The following LRP1B variants were observed in gnomAD, a reference collection of about 807,000 sequenced individuals.
The protein encoded by LRP1B is LDL receptor related protein 1B.
A neutral mutation model predicts 556.6 loss-of-function variants in LRP1B; 217 were observed. That is an observed-to-expected ratio of 0.39 (90% CI 0.35 to 0.44). The LOEUF (loss-of-function observed/expected upper bound fraction) is 0.44. Ranked by LOEUF, LRP1B falls within the 20% of genes least tolerant of loss-of-function variation. The pLI is 1.00. For missense variants in LRP1B, 5,053 were observed against 5,620.8 expected, an observed-to-expected ratio of 0.90 and a Z score of 3.23; for synonymous variants, 2,047 against 1,865.8, an observed-to-expected ratio of 1.10 and a Z score of -2.50.
At chr2:141,000,166 A>T (rs1346645447) in intron 15 of LRP1B, among the ~76,000 whole-genome samples, 1 of 151,482 alleles carries the variant, frequency 6.6e-6, no homozygotes, top group Non-Finnish European at 1.5e-5. Flanking sequence ...CAATCTTCCC[A>T]CTTCAGGCTC....
rs115486115 is a variant in LRP1B at position 141,814,221 on chromosome 2, C to T, written c.83-3820G>A. Among the ~76,000 whole-genome samples, 438 of 152,214 alleles carry T rather than the reference C, an allele frequency of 2.9e-3. 1 individual carries two copies. Among genetic ancestry groups the T allele is most frequent in the African/African-American group, 1.0e-2 (414 of 41,526 alleles). Reference sequence around the variant, plus strand: ...AGAGAAATGTGCCCAGAAAAGTAGTCAATTTTCTTCATCTGGGCTCACAGA... The same window carrying T: ...AGAGAAATGTGCCCAGAAAAGTAGTTAATTTTCTTCATCTGGGCTCACAGA... On this transcript the variant is annotated intron_variant, in intron 1 of 90. Coordinates refer to ENST00000389484, the MANE Select transcript of LRP1B (RefSeq NM_018557.3).
chr2:140,484,436 T>C (rs1429428005), intron 59 of LRP1B, among the ~76,000 whole-genome samples: 2 of 152,156 alleles, frequency 1.3e-5, no homozygotes, highest in South Asian at 2.1e-4. Flanking sequence ...TGAATAAAAT[T>C]AATTAATTTA....
rs182437116 is a variant in LRP1B, at chr2:140,812,428, A to G, written c.5359+1229T>C. ...GACTCATTCTTAAATAAAATTTGCA[A>G]TATTTAAACCTTGTTCACCTTCATC... On this transcript the variant is annotated intron_variant, in intron 32 of 90. Transcript: ENST00000389484. Among the ~76,000 whole-genome samples, 762 of 152,224 alleles carry G rather than the reference A, an allele frequency of 5.0e-3. 11 individuals carry two copies. The highest frequency in any genetic ancestry group is 0.017 in the African/African-American group (721 of 41,572).
intron 2 of LRP1B, among the ~76,000 whole-genome samples, chr2:141,610,323 A>ATTATTATTATACTTTAAAACTTAAAGT (rs143503631): frequency 0.44 from 53,370 of 121,886 alleles, 11,494 homozygotes; most frequent in Non-Finnish European, 0.52. Flanking sequence ...CTTAAAGTAT[A>ATTATTATTATACTTTAAAACTTAAAGT]ATAATAATAA....
intron 1 of LRP1B, among the ~76,000 whole-genome samples, chr2:141,945,477 G>C (rs921249905): frequency 6.6e-6 from 1 of 151,200 alleles, no homozygotes; most frequent in Non-Finnish European, 1.5e-5. Flanking sequence ...TTTTTATAGA[G>C]TATTATCATT....
chr2:141,796,366 AC>A (rs2105675315), intron 2 of LRP1B, among the ~76,000 whole-genome samples: 1 of 152,140 alleles, frequency 6.6e-6, no homozygotes, highest in South Asian at 2.1e-4. Context: ...ATCCATCACT[AC>A]AGCAATGAAG....
chr2:140,604,124 T>C (rs1157861100), intron 41 of LRP1B, among the ~76,000 whole-genome samples: 2 of 150,608 alleles, frequency 1.3e-5, no homozygotes, highest in Non-Finnish European at 2.9e-5. Context: ...GCAGAGTAAA[T>C]CAATACAGGG....
At chr2:141,946,034 G>GGA (rs1278273749) in intron 1 of LRP1B, among the ~76,000 whole-genome samples, 18 of 152,008 alleles carry the variant, frequency 1.2e-4, no homozygotes, top group Admixed American at 9.8e-4. Flanking sequence ...AGACAGGGGT[G>GGA]GAGGCAGCTC....
intron 1 of LRP1B, among the ~76,000 whole-genome samples, chr2:141,810,983 G>A (rs900872344): frequency 6.6e-6 from 1 of 151,346 alleles, no homozygotes; most frequent in African/African-American, 2.4e-5. Flanking sequence ...TGGCAGAAGT[G>A]ATAGTAAACT....
intron 1 of LRP1B, among the ~76,000 whole-genome samples, chr2:142,117,085 C>G (rs1017640348): frequency 2.0e-5 from 3 of 152,066 alleles, no homozygotes; most frequent in Non-Finnish European, 4.4e-5. Context: ...CGTGCTGTTA[C>G]TTCCCACACG....
intron 60 of LRP1B, among the ~76,000 whole-genome samples, chr2:140,464,644 T>A (rs1032813390): frequency 1.3e-5 from 2 of 152,234 alleles, no homozygotes; most frequent in African/African-American, 4.8e-5. Flanking sequence ...TGGTAAAGTA[T>A]ATTCCTTTTG....
At position 140,547,310 on chromosome 2, in the gene LRP1B, T is replaced by G. The variant is rs559910105; in HGVS notation, c.7195-5339A>C. Among the ~76,000 whole-genome samples, 4 of 152,216 alleles carry G rather than the reference T, an allele frequency of 2.6e-5. No homozygotes were observed. In the East Asian group the frequency reaches 7.7e-4, roughly 29 times the overall value. On this transcript the variant is annotated intron_variant, in intron 43 of 90. Transcript: ENST00000389484. The stretch of plus-strand genomic sequence containing the variant: ...GGTTTTTTTTGGTTGGTGGGCTATT[T>G]ATTACTTTTCCATTTCAGAGCTAAT...
rs759884420 is a variant in LRP1B at position 140,516,968 on chromosome 2, A to G, written c.8070T>C (p.Pro2690=). The G allele has an allele frequency of 1.1e-5, 18 of 1,601,144 alleles. No individual in the cohort carries two copies. The South Asian group carries it at 1.8e-4, about 16-fold the overall frequency. ...AGGTATTCAAAATGCATCTTCCACTAGGACAACTAAAATAATTTTCTTCAC... is the reference window on the plus strand; with the variant it reads ...AGGTATTCAAAATGCATCTTCCACTGGGACAACTAAAATAATTTTCTTCAC... ...HKCEENYFSC[P]SGRCILNTWI... The change falls in exon 50 of 91, where the codon CCT becomes CCC. Residue 2690 remains proline, a synonymous_variant. Coordinates refer to ENST00000389484, the MANE Select transcript of LRP1B (RefSeq NM_018557.3).
chr2:140,312,556 T>C (rs1052285045), intron 83 of LRP1B, among the ~76,000 whole-genome samples: 1 of 151,936 alleles, frequency 6.6e-6, no homozygotes, highest in African/African-American at 2.4e-5. Flanking sequence ...GCATAAAATC[T>C]TTCAAAAATT....
At chr2:140,357,950 G>A in intron 74 of LRP1B, 29 bp downstream of exon 74, 1 of 1,593,626 alleles carries the variant, frequency 6.3e-7, no homozygotes, top group East Asian at 2.2e-5. Context: ...GTGTATCCCG[G>A]TGCTTTGCTT....
intron 3 of LRP1B, among the ~76,000 whole-genome samples, chr2:141,393,980 T>C (rs1453196294): frequency 6.6e-6 from 1 of 152,192 alleles, no homozygotes; most frequent in African/African-American, 2.4e-5. Context: ...GTATCTATTA[T>C]ATGATGCTCA....
chr2:140,486,995 C>T (rs1354319637), intron 58 of LRP1B, among the ~76,000 whole-genome samples: 2 of 151,750 alleles, frequency 1.3e-5, no homozygotes, highest in African/African-American at 4.8e-5. Context: ...GAATTTAAAA[C>T]TTCTTTATAA....
At position 140,851,661 on chromosome 2, in the gene LRP1B, T is replaced by C. The variant is rs1303079956; in HGVS notation, c.4702A>G (p.Thr1568Ala). The change falls in exon 28 of 91, where the codon ACC becomes GCC. Residue 1568 changes from threonine (T) to alanine (A), a missense_variant. Thr to Ala is a moderately conservative substitution (Grantham distance 58). Transcript: ENST00000389484. ...HLMKLSSDKKTCYEMKKFLLY... is the reference protein window; with the variant it reads ...HLMKLSSDKKACYEMKKFLLY... The stretch of plus-strand genomic sequence containing the variant: ...ACTGTAAGAAATTTACCATAGCAGG[T>C]CTTCTTGTCTGAAGAAAGCTTCATC... 3.7e-6 allele frequency: 6 copies of C among 1,608,910 alleles called. No homozygotes were observed. Among genetic ancestry groups the C allele is most frequent in the Non-Finnish European group, 5.1e-6 (6 of 1,178,344 alleles).
intron 1 of LRP1B, among the ~76,000 whole-genome samples, chr2:141,902,556 T>C (rs182833734): frequency 6.6e-6 from 1 of 152,114 alleles, no homozygotes; most frequent in Admixed American, 6.6e-5. Context: ...ACCCACATTC[T>C]TTCCTTCATC....
Sources: allele counts gnomAD v4.1 joint callset (sites outside exome capture counted in the v4.1 genomes callset), GRCh38; gene constraint gnomAD v4.1.1; transcripts MANE v1.5; gene names NCBI Gene and HGNC (gene_info 2026-07-23, HGNC 2026-07-21).